The following SYDE2 variants were observed in gnomAD, a reference collection of about 807,000 sequenced individuals.
The protein encoded by SYDE2 is synapse defective Rho GTPase homolog 2.
A neutral mutation model predicts 91.5 loss-of-function variants in SYDE2; 76 were observed. The ratio of observed to expected loss-of-function variants is 0.83; its 90% confidence interval spans 0.69 to 1.01. The LOEUF (loss-of-function observed/expected upper bound fraction) is 1.01. Among genes scored for constraint, SYDE2 ranks in the 50% least tolerant of loss-of-function variants. The pLI, the probability that SYDE2 is intolerant of heterozygous loss-of-function variation, is 0.00. For missense variants in SYDE2, 1,364 were observed against 1,367.7 expected (o/e 1.00, Z 0.04); for synonymous variants, 513 against 506.4 (o/e 1.01, Z -0.18).
At chr1:85,186,146 C>T (rs1389777334) in intron 2 of SYDE2, among the ~76,000 whole-genome samples, 1 of 151,850 alleles carries the variant, frequency 6.6e-6, no homozygotes, top group African/African-American at 2.4e-5. Flanking sequence ...GGGATGAAGC[C>T]CACTTGATCT....
chr1:85,192,805 T>G (rs1327600088), intron 1 of SYDE2, among the ~76,000 whole-genome samples: 1 of 152,148 alleles, frequency 6.6e-6, no homozygotes, highest in Non-Finnish European at 1.5e-5. Flanking sequence ...TTAAAACCCA[T>G]GCTCTACTCA....
chr1:85,160,454 G>C, intron 6 of SYDE2: 1 of 941,668 alleles, frequency 1.1e-6, no homozygotes, highest in Non-Finnish European at 1.3e-6. Context: ...TATCACTATA[G>C]ATAGCCAAAA....
chr1:85,159,277 G>T, intron 6 of SYDE2, 28 bp from the exon 7 acceptor site: 1 of 769,304 alleles, frequency 1.3e-6, no homozygotes. Flanking sequence ...TTTTGCTTTA[G>T]TGACAGTAAT....
rs1656941730 is a variant in SYDE2 at position 85,158,553 on chromosome 1, C to T, written c.*197G>A. On this transcript the variant is annotated 3_prime_UTR_variant, in exon 7 of 7. Transcript: ENST00000341460. ...CCCAAGAAGTCCAAGTTTTATTGATCCCCAGAAAAGTTTTCTAGTGAGATA... is the reference window on the plus strand; with the variant it reads ...CCCAAGAAGTCCAAGTTTTATTGATTCCCAGAAAAGTTTTCTAGTGAGATA... The T allele has an allele frequency of 4.3e-6, 2 of 470,114 alleles. No homozygotes were observed. The highest frequency in any genetic ancestry group is 5.4e-4 in the Middle Eastern group (1 of 1,854). 29.1% of individuals were successfully genotyped at this position (470,114 alleles called of 1,614,324 possible).
rs1199096480 is a variant in SYDE2 at position 85,200,617 on chromosome 1, T to C, written c.380A>G (p.Asp127Gly). Residue 127 changes from aspartate to glycine, a missense_variant, in exon 1 of 7, where the codon GAC (aspartate) becomes GGC (glycine). Transcript: ENST00000341460. ...DEPPPRGGRM[D>G]GWSGDRARAA... ...CCGGGCGCGGTCCCCACTCCAGCCG[T>C]CCATCCTGCCTCCACGTGGCGGGGG... The C allele has an allele frequency of 1.9e-6, 3 of 1,554,194 alleles. No individual in the cohort carries two copies. Among genetic ancestry groups the C allele is most frequent in the Middle Eastern group, 1.7e-4 (1 of 5,752 alleles).
chr1:85,190,402 C>G lies in SYDE2; in HGVS notation c.1096G>C (p.Asp366His). Residue 366 changes from aspartate (D) to histidine (H), a missense_variant, in exon 2 of 7, where the codon GAT (aspartate) becomes CAT (histidine). Asp to His is a moderately conservative substitution (Grantham distance 81). Transcript: ENST00000341460. ...LDFNEENDAD[D>H]EGEIWYNPIP... is the part of the protein sequence containing the mutation. ...GGATTGTACCATATTTCTCCTTCAT[C>G]ATCTGCATCATTTTCCTCATTAAAA... 1.2e-6 allele frequency: 2 copies of G among 1,613,784 alleles called. No homozygotes were observed. Among genetic ancestry groups the G allele is most frequent in the Non-Finnish European group, 1.7e-6 (2 of 1,179,800 alleles).
At chr1:85,165,209 G>A (rs1657220489) in intron 5 of SYDE2, among the ~76,000 whole-genome samples, 1 of 152,144 alleles carries the variant, frequency 6.6e-6, no homozygotes. Context: ...ACTCCAGCCT[G>A]GGTGGCTGAA....
intron 5 of SYDE2, among the ~76,000 whole-genome samples, chr1:85,165,194 C>A (rs1657220173): frequency 6.6e-6 from 1 of 152,070 alleles, no homozygotes; most frequent in Non-Finnish European, 1.5e-5. Flanking sequence ...AGACTATACC[C>A]CTGCACTCCA....
At chr1:85,196,027 G>A (rs1196502395) in intron 1 of SYDE2, among the ~76,000 whole-genome samples, 1 of 152,120 alleles carries the variant, frequency 6.6e-6, no homozygotes, top group Non-Finnish European at 1.5e-5. Context: ...GTCCTATACG[G>A]CCTCCTCTCT....
chr1:85,172,859 A>G (rs1276237392), intron 4 of SYDE2, among the ~76,000 whole-genome samples: 1 of 152,208 alleles, frequency 6.6e-6, no homozygotes, highest in South Asian at 2.1e-4. Context: ...CCAAGTGTTC[A>G]TCTGAGTACT....
At chr1:85,161,595 A>G (rs1463236253) in intron 6 of SYDE2, among the ~76,000 whole-genome samples, 1 of 151,932 alleles carries the variant, frequency 6.6e-6, no homozygotes, top group Non-Finnish European at 1.5e-5. Context: ...GCGCAGTGGT[A>G]CACGCCTGTA....
chr1:85,188,068 G>A (rs943487163), intron 2 of SYDE2, among the ~76,000 whole-genome samples: 5 of 151,956 alleles, frequency 3.3e-5, no homozygotes, highest in African/African-American at 1.2e-4. Flanking sequence ...ATCAAGGTGT[G>A]TGTCACTTCA....
intron 5 of SYDE2, among the ~76,000 whole-genome samples, chr1:85,166,273 A>G (rs1460988720): frequency 6.6e-6 from 1 of 150,876 alleles, no homozygotes; most frequent in African/African-American, 2.4e-5. Flanking sequence ...TGGGAGGCAG[A>G]GGTTTCAGTG....
In SYDE2 at chr1:85,182,470, T is replaced by A; in HGVS notation, c.2172A>T (p.Thr724=). 1 of 1,613,734 alleles carries A rather than the reference T, an allele frequency of 6.2e-7. No individual in the cohort carries two copies. Among genetic ancestry groups the A allele is most frequent in the Non-Finnish European group, 8.5e-7 (1 of 1,179,776 alleles). The change falls in exon 3 of 7, where the codon ACA becomes ACT. Residue 724 remains threonine (T), a synonymous_variant. Transcript: ENST00000341460. Reference sequence around the variant, plus strand: ...TGAAAGTGTGATCCATGTCTAAAAATGTTGTTCGGCATGTGAGCAAAGCTG... The same window carrying A: ...TGAAAGTGTGATCCATGTCTAAAAAAGTTGTTCGGCATGTGAGCAAAGCTG... ...ARTALLTCRT[T]FLDMDHTFNI...
chr1:85,188,452 C>A (rs1333565081), intron 2 of SYDE2, among the ~76,000 whole-genome samples: 1 of 152,140 alleles, frequency 6.6e-6, no homozygotes, highest in African/African-American at 2.4e-5. Flanking sequence ...CTTCCTTTTT[C>A]TCTTAATATA....
At chr1:85,184,404 G>A (rs74774274) in intron 2 of SYDE2, among the ~76,000 whole-genome samples, 4 of 152,212 alleles carry the variant, frequency 2.6e-5, no homozygotes, top group African/African-American at 9.6e-5. Context: ...CAATAGCACT[G>A]GAAACAATCT....
chr1:85,170,968 C>T (rs1243488701), intron 4 of SYDE2, among the ~76,000 whole-genome samples: 1 of 152,094 alleles, frequency 6.6e-6, no homozygotes, highest in African/African-American at 2.4e-5. Context: ...GTAAAAAATG[C>T]ATTTGCAATT....
chr1:85,200,840 C>T lies in SYDE2; in HGVS notation c.157G>A (p.Gly53Arg). 1 of 1,389,874 alleles carries T rather than the reference C, an allele frequency of 7.2e-7. No homozygotes were observed. The allele number at this position is 1,389,874 out of a possible 1,614,324, so 86.1% of individuals were successfully genotyped here. ...GGGGACACCTGCTGCCGAGGGCGTC[C>T]GCCGCCTCCCCGCTCCCCGTCCCGG... is the stretch of plus-strand genomic sequence containing the variant. ...CPRDGERGGG[G>R]RPRQQVSPPR... The change falls in exon 1 of 7, where the codon GGA becomes AGA. Residue 53 changes from glycine (G) to arginine (R), a missense_variant. Physicochemically the swap from Gly to Arg is moderately radical, Grantham distance 125. Coordinates refer to ENST00000341460, the MANE Select transcript of SYDE2 (RefSeq NM_032184.2).
At chr1:85,167,309 C>G (rs539253508) in intron 5 of SYDE2, among the ~76,000 whole-genome samples, 52 of 151,946 alleles carry the variant, frequency 3.4e-4, no homozygotes, top group Non-Finnish European at 5.7e-4. Context: ...TAAGCAATTC[C>G]ACTTCTGAGA....
Sources: gnomAD v4.1 joint callset for allele counts (sites outside exome capture counted in the v4.1 genomes callset) on GRCh38, gnomAD v4.1.1 for gene constraint, MANE v1.5 for transcripts, NCBI Gene and HGNC (gene_info 2026-07-23, HGNC 2026-07-21) for gene names.